The following MIR2052HG variants were observed in gnomAD, a reference collection of about 807,000 sequenced individuals.
MIR2052HG encodes MIR2052 host gene.
intron 2 of MIR2052HG, among the ~76,000 whole-genome samples, chr8:74,699,873 G>T (rs1809341066): frequency 6.6e-6 from 1 of 152,008 alleles, no homozygotes; most frequent in Non-Finnish European, 1.5e-5. Context: ...TTTTCCAAGT[G>T]TTTTCGATTT....
intron 4 of MIR2052HG, among the ~76,000 whole-genome samples, chr8:74,710,464 C>A (rs750582828): frequency 6.6e-6 from 1 of 152,026 alleles, no homozygotes; most frequent in Non-Finnish European, 1.5e-5. Context: ...CTGGGTACCA[C>A]GTTTTTAAGT....
chr8:74,723,591 T>C (rs1809601902), intron 4 of MIR2052HG, among the ~76,000 whole-genome samples: 1 of 152,140 alleles, frequency 6.6e-6, no homozygotes, highest in Non-Finnish European at 1.5e-5. Flanking sequence ...GTATTAAAGA[T>C]GTAAGGTGGG....
At chr8:74,611,955 G>A (rs538633911) in intron 1 of MIR2052HG, among the ~76,000 whole-genome samples, 6 of 152,272 alleles carry the variant, frequency 3.9e-5, no homozygotes, top group Non-Finnish European at 5.9e-5. Flanking sequence ...ACAGATAGAC[G>A]GCAAGGGACA....
At chr8:74,620,402 C>G (rs1470534952) in intron 2 of MIR2052HG, among the ~76,000 whole-genome samples, 2 of 152,220 alleles carry the variant, frequency 1.3e-5, no homozygotes, top group East Asian at 3.9e-4. Flanking sequence ...TCACGTTTCC[C>G]TTCTGCACTG....
intron 4 of MIR2052HG, among the ~76,000 whole-genome samples, chr8:74,716,493 A>G (rs1436916094): frequency 6.6e-6 from 1 of 152,150 alleles, no homozygotes; most frequent in East Asian, 1.9e-4. Flanking sequence ...TGGGTGAATC[A>G]CAAGGTCAGG....
chr8:74,735,141 G>A (rs998426776), intron 4 of MIR2052HG, among the ~76,000 whole-genome samples: 2 of 152,174 alleles, frequency 1.3e-5, no homozygotes, highest in African/African-American at 2.4e-5. Context: ...ACAAACACAG[G>A]TTGTTGTGAG....
chr8:74,738,690 G>T (rs1349619253), intron 4 of MIR2052HG, among the ~76,000 whole-genome samples: 1 of 152,138 alleles, frequency 6.6e-6, no homozygotes. Flanking sequence ...AGAGATTAAT[G>T]CCACAAAAAT....
intron 2 of MIR2052HG, among the ~76,000 whole-genome samples, chr8:74,698,442 C>G (rs1358260603): frequency 1.3e-5 from 2 of 152,152 alleles, no homozygotes; most frequent in Non-Finnish European, 2.9e-5. Flanking sequence ...TAGACATTGG[C>G]TTAGGCAAAG....
At chr8:74,634,227 G>A (rs1808554114) in intron 2 of MIR2052HG, among the ~76,000 whole-genome samples, 1 of 152,158 alleles carries the variant, frequency 6.6e-6, no homozygotes, top group African/African-American at 2.4e-5. Context: ...AGAGATTTCA[G>A]TTTAGGTTGG....
intron 2 of MIR2052HG, among the ~76,000 whole-genome samples, chr8:74,628,011 T>C (rs991201398): frequency 2.0e-5 from 3 of 152,184 alleles, no homozygotes; most frequent in South Asian, 2.1e-4. Context: ...TCCTTTTCCA[T>C]AGTGCTGGGG....
intron 4 of MIR2052HG, among the ~76,000 whole-genome samples, chr8:74,714,341 T>C (rs770351713): frequency 4.6e-5 from 7 of 152,194 alleles, no homozygotes; most frequent in African/African-American, 7.2e-5. Context: ...GTAAAATTAA[T>C]AGCAACATAT....
intron 1 of MIR2052HG, among the ~76,000 whole-genome samples, chr8:74,602,845 C>CTTTCTTTCTTTCTTTCT (rs1808032481): frequency 2.1e-5 from 3 of 141,608 alleles, no homozygotes; most frequent in Non-Finnish European, 3.0e-5. Flanking sequence ...TTCTTTCTTT[C>CTTTCTTTCTTTCTTTCT]TTTCTTTCTT....
chr8:74,680,630 T>A (rs1809112584), intron 2 of MIR2052HG, among the ~76,000 whole-genome samples: 1 of 152,144 alleles, frequency 6.6e-6, no homozygotes, highest in African/African-American at 2.4e-5. Flanking sequence ...GTAAACTAGT[T>A]CAACCATTGT....
intron 1 of MIR2052HG, chr8:74,612,643 T>C (rs896316535): frequency 3.2e-6 from 1 of 314,952 alleles, no homozygotes; most frequent in Non-Finnish European, 6.3e-6. Context: ...ATCCTTCTAA[T>C]CATCTTTACC....
chr8:74,674,747 T>C (rs1282208538), intron 2 of MIR2052HG, among the ~76,000 whole-genome samples: 1 of 151,890 alleles, frequency 6.6e-6, no homozygotes, highest in Non-Finnish European at 1.5e-5. Flanking sequence ...TTAATCATAT[T>C]GATAAACAAA....
chr8:74,698,990 A>G (rs1336180384), intron 2 of MIR2052HG, among the ~76,000 whole-genome samples: 1 of 152,220 alleles, frequency 6.6e-6, no homozygotes, highest in African/African-American at 2.4e-5. Flanking sequence ...ACAAATGGCC[A>G]ACAAACATAT....
At chr8:74,747,312 G>A (rs1809898236) in intron 4 of MIR2052HG, among the ~76,000 whole-genome samples, 1 of 152,028 alleles carries the variant, frequency 6.6e-6, no homozygotes, top group Non-Finnish European at 1.5e-5. Flanking sequence ...GGACAATGTT[G>A]GCACATGGTA....
intron 2 of MIR2052HG, among the ~76,000 whole-genome samples, chr8:74,693,618 G>A (rs1201537736): frequency 6.9e-6 from 1 of 145,220 alleles, no homozygotes; most frequent in Non-Finnish European, 1.5e-5. Flanking sequence ...GGCGGGGGGG[G>A]AGGGGTGGGA....
At chr8:74,680,272 A>T (rs1809108432) in intron 2 of MIR2052HG, among the ~76,000 whole-genome samples, 1 of 152,190 alleles carries the variant, frequency 6.6e-6, no homozygotes, top group Admixed American at 6.5e-5. Flanking sequence ...AACTTTTAAG[A>T]CAGATATTAA....
Sources: gnomAD v4.1 joint callset for allele counts (sites outside exome capture counted in the v4.1 genomes callset) on GRCh38, gnomAD v4.1.1 for gene constraint, MANE v1.5 for transcripts, NCBI Gene and HGNC (gene_info 2026-07-23, HGNC 2026-07-21) for gene names.